The following EEF2K variants were observed in gnomAD, a reference collection of about 807,000 sequenced individuals.
EEF2K encodes the protein eukaryotic elongation factor 2 kinase.
EEF2K carries 70 observed loss-of-function variants against 93.8 expected under a neutral mutation model. The observed-to-expected ratio is 0.75, with a 90% CI of 0.62 to 0.91. The LOEUF is 0.91. EEF2K is among the 40% of genes least tolerant of loss of function. The pLI is 0.00. For synonymous variants in EEF2K, 376 were observed against 380.8 expected (o/e 0.99, Z 0.15); for missense variants, 935 against 972.9 (o/e 0.96, Z 0.52).
At chr16:22,266,259 A>G in intron 13 of EEF2K, 131 bp from the exon 14 acceptor site, 1 of 1,378,264 alleles carries the variant, frequency 7.3e-7, no homozygotes, top group Non-Finnish European at 9.7e-7. Context: ...TTTGCCAATA[A>G]ACTTTGACAT....
At chr16:22,237,628 A>AAG (rs145641057) in intron 2 of EEF2K, among the ~76,000 whole-genome samples, 1 of 150,920 alleles carries the variant, frequency 6.6e-6, no homozygotes, top group Non-Finnish European at 1.5e-5. Flanking sequence ...AAAAAAAAAA[A>AAG]GAAAAGAAGA....
In EEF2K at chr16:22,273,488, C is replaced by T; in HGVS notation, c.1765-138C>T. 8 of 1,259,270 alleles carry T rather than the reference C, an allele frequency of 6.4e-6. No individual in the cohort carries two copies. The South Asian group carries it at 1.2e-4, about 18-fold the overall frequency. The allele number at this position is 1,259,270 out of a possible 1,614,324, so 78.0% of individuals were successfully genotyped here. Reference sequence around the variant, plus strand: ...AGCCAAGCCTCTGGAGTCAAGTGCCCCCTCCTATCTCACTTCTATAGCCTC... The same window carrying T: ...AGCCAAGCCTCTGGAGTCAAGTGCCTCCTCCTATCTCACTTCTATAGCCTC... On this transcript the variant is annotated intron_variant, in intron 15 of 17. Transcript: ENST00000263026.
intron 12 of EEF2K, among the ~76,000 whole-genome samples, chr16:22,264,256 CACTCCAGCCTG>C (rs1194548957): frequency 8.1e-5 from 11 of 135,986 alleles, no homozygotes; most frequent in Non-Finnish European, 1.5e-4. Context: ...CATGCCGCTG[CACTCCAGCCTG>C]GACCACAGAG....
intron 15 of EEF2K, among the ~76,000 whole-genome samples, chr16:22,273,027 A>C (rs1282583302): frequency 2.0e-5 from 3 of 152,170 alleles, no homozygotes; most frequent in African/African-American, 7.2e-5. Flanking sequence ...CAGGCCCCAC[A>C]TTGGAGCTTA....
chr16:22,279,151 G>A (rs2047668453), intron 16 of EEF2K, among the ~76,000 whole-genome samples: 1 of 151,790 alleles, frequency 6.6e-6, no homozygotes, highest in African/African-American at 2.4e-5. Flanking sequence ...TCAAGGGGGT[G>A]TCCTAGCTAA....
chr16:22,236,339 CTT>C (rs11353273), intron 2 of EEF2K, among the ~76,000 whole-genome samples: 83 of 136,978 alleles, frequency 6.1e-4, no homozygotes, highest in East Asian at 8.5e-4. Context: ...AGTTGTATTT[CTT>C]TTTTTTTTTT....
intron 1 of EEF2K, among the ~76,000 whole-genome samples, chr16:22,210,392 G>T (rs964552624): frequency 1.3e-5 from 2 of 152,168 alleles, no homozygotes; most frequent in African/African-American, 4.8e-5. Flanking sequence ...TCCCCAGCAG[G>T]ACTTGCTTAC....
chr16:22,288,221 CATT>C lies in EEF2K; in HGVS notation c.*4227_*4229del, dbSNP rs929612457. 6.6e-6 allele frequency: 1 copy of C among 152,182 alleles called. No individual in the cohort carries two copies. The highest frequency in any genetic ancestry group is 2.4e-5 in the African/African-American group (1 of 41,424). The allele number at this position is 152,182 out of a possible 1,614,324, so 9.4% of individuals were successfully genotyped here. A position where few individuals can be genotyped will look rare whatever the true frequency, so the allele number is the denominator to read the frequency against. On this transcript the variant is annotated 3_prime_UTR_variant, in exon 18 of 18. Transcript: ENST00000263026. ...GGCCAGGCTGGTTTCAAACTCCTGACATTAGGTGATCCACCTGCCTCGGCCTCC... is the reference window on the plus strand; with the variant it reads ...GGCCAGGCTGGTTTCAAACTCCTGACAGGTGATCCACCTGCCTCGGCCTCC...
Position 22,276,265 on chromosome 16 carries a change from A to AT in EEF2K, c.1889+2525dup, listed in dbSNP as rs746664691. Among the ~76,000 whole-genome samples, 320 of 149,448 alleles carry AT rather than the reference A, an allele frequency of 2.1e-3. 9 individuals carry two copies. In the East Asian group the frequency reaches 0.039, roughly 18 times the overall value. On this transcript the variant is annotated intron_variant, in intron 16 of 17. Transcript: ENST00000263026. ...CTGGCCACATTTCATTTTAAAAGAC[A>AT]TTTTTTTTTTCAGATATGTCTACCA...
At chr16:22,268,329 C>T (rs2047544562) in intron 15 of EEF2K, among the ~76,000 whole-genome samples, 1 of 151,996 alleles carries the variant, frequency 6.6e-6, no homozygotes, top group African/African-American at 2.4e-5. Flanking sequence ...CAGGTGCCTG[C>T]CACCGCACCC....
intron 9 of EEF2K, among the ~76,000 whole-genome samples, 179 bp from the exon 10 acceptor site, chr16:22,258,315 G>A (rs1281065181): frequency 6.6e-6 from 1 of 152,038 alleles, no homozygotes; most frequent in Non-Finnish European, 1.5e-5. Flanking sequence ...CTTTCTTGGA[G>A]GCCTTAGGTT....
intron 3 of EEF2K, among the ~76,000 whole-genome samples, chr16:22,247,037 CAAAAAAAAAAAAA>C (rs57073413): frequency 1.6e-3 from 22 of 13,700 alleles, no homozygotes; most frequent in African/African-American, 3.3e-3. Context: ...GACTCCATCT[CAAAAAAAAAAAAA>C]AAAAAAAAAA....
chr16:22,226,514 C>CTTTTTTTTTTTTTTTTTTTTTTTTTT (rs1393099761), intron 2 of EEF2K, among the ~76,000 whole-genome samples: 3 of 84,490 alleles, frequency 3.6e-5, no homozygotes, highest in African/African-American at 1.9e-4. Flanking sequence ...TTTCCTTCTT[C>CTTTTTTTTTTTTTTTTTTTTTTTTTT]TTCTTTTTTT....
chr16:22,278,421 G>T (rs982465379), intron 16 of EEF2K, among the ~76,000 whole-genome samples: 1 of 152,186 alleles, frequency 6.6e-6, no homozygotes, highest in African/African-American at 2.4e-5. Context: ...AAGGAGCCAG[G>T]TGCAGAAAGA....
At chr16:22,257,480 T>C (rs2047414771) in intron 8 of EEF2K, 95 bp downstream of exon 8, 4 of 1,556,290 alleles carry the variant, frequency 2.6e-6, no homozygotes, top group Non-Finnish European at 8.7e-7. Flanking sequence ...GCTGAGACAC[T>C]GTACGCGCTT....
At chr16:22,234,877 C>CT (rs1173052779) in intron 2 of EEF2K, among the ~76,000 whole-genome samples, 17,664 of 90,470 alleles carry the variant, frequency 0.2, 2,708 homozygotes, top group East Asian at 0.53. Flanking sequence ...TTTTTTGTTG[C>CT]TTTTTTTTTT....
intron 6 of EEF2K, 29 bp from the exon 7 acceptor site, chr16:22,256,719 C>G (rs1421696625): frequency 4.4e-6 from 7 of 1,608,308 alleles, no homozygotes; most frequent in Non-Finnish European, 2.5e-6. Flanking sequence ...CTGGGCCCTC[C>G]CGCCTGAGCC....
Position 22,256,825 on chromosome 16 carries a change from C to T in EEF2K, c.696C>T (p.Ile232=), listed in dbSNP as rs764213188. The change falls in exon 7 of 18, where the codon ATC becomes ATT. Residue 232 remains isoleucine, a synonymous_variant. Coordinates refer to ENST00000263026, the MANE Select transcript of EEF2K (RefSeq NM_013302.5). Reference sequence around the variant, plus strand: ...CCCTCTTCCACCTGGAGCACTACATCGAGGGCAAGTACATCAAGTACAACT... The same window carrying T: ...CCCTCTTCCACCTGGAGCACTACATTGAGGGCAAGTACATCAAGTACAACT... ...GKPLFHLEHY[I]EGKYIKYNSN... The T allele has an allele frequency of 2.2e-5, 35 of 1,614,084 alleles. No individual in the cohort carries two copies. The highest frequency in any genetic ancestry group is 5.5e-5 in the South Asian group (5 of 91,092).
At chr16:22,208,739 A>T (rs925586698) in intron 1 of EEF2K, among the ~76,000 whole-genome samples, 1 of 73,224 alleles carries the variant, frequency 1.4e-5, no homozygotes, top group Admixed American at 1.0e-4. Context: ...GTCTCTATTT[A>T]AAAAAAAAAA....
Sources: allele counts gnomAD v4.1 joint callset (sites outside exome capture counted in the v4.1 genomes callset), GRCh38; gene constraint gnomAD v4.1.1; transcripts MANE v1.5; gene names NCBI Gene and HGNC (gene_info 2026-07-23, HGNC 2026-07-21).